Variants in PRKCA observed in about 807,000 individuals in gnomAD.
The protein encoded by PRKCA is protein kinase C alpha.
A neutral mutation model predicts 87.0 loss-of-function variants in PRKCA; 27 were observed. The observed-to-expected ratio is 0.31, with a 90% confidence interval of 0.23 to 0.43. The LOEUF (loss-of-function observed/expected upper bound fraction) is 0.43. Ranked by LOEUF, PRKCA falls within the 20% of genes least tolerant of loss-of-function variation. The pLI, the probability that PRKCA is intolerant of heterozygous loss-of-function variation, is 1.00. For missense variants in PRKCA, 518 were observed against 852.3 expected, an observed-to-expected ratio of 0.61 and a Z score of 4.88; for synonymous variants, 329 against 311.1, an observed-to-expected ratio of 1.06 and a Z score of -0.61.
At chr17:66,774,775 G>C in intron 14 of PRKCA, 1 of 985,440 alleles carries the variant, frequency 1.0e-6, no homozygotes, top group Non-Finnish European at 1.2e-6. Context: ...ATTTAAGGAA[G>C]AAGACAGTTA....
intron 2 of PRKCA, among the ~76,000 whole-genome samples, chr17:66,361,620 A>AT (rs931468857): frequency 6.6e-6 from 1 of 151,996 alleles, no homozygotes; most frequent in African/African-American, 2.4e-5. Flanking sequence ...CATACATTGG[A>AT]TTTTATTTTC....
chr17:66,740,181 A>G (rs1035320547), intron 11 of PRKCA, among the ~76,000 whole-genome samples: 11 of 151,930 alleles, frequency 7.2e-5, no homozygotes, highest in Non-Finnish European at 1.6e-4. Flanking sequence ...CTCAGTTAAG[A>G]ACGTTTTATT....
At chr17:66,392,820 C>CTTCAGCTTT (rs1910441884) in intron 2 of PRKCA, among the ~76,000 whole-genome samples, 1 of 152,260 alleles carries the variant, frequency 6.6e-6, no homozygotes, top group East Asian at 1.9e-4. Context: ...GCAGTCAGAA[C>CTTCAGCTTT]TTCAGCTTTT....
chr17:66,426,045 T>A (rs1406489945), intron 2 of PRKCA, among the ~76,000 whole-genome samples: 2 of 152,190 alleles, frequency 1.3e-5, no homozygotes, highest in Non-Finnish European at 2.9e-5. Context: ...CACCCAGGCC[T>A]CCTTTGTCTA....
intron 2 of PRKCA, among the ~76,000 whole-genome samples, chr17:66,349,988 C>T (rs1366949872): frequency 2.0e-5 from 3 of 151,910 alleles, no homozygotes; most frequent in East Asian, 3.9e-4. Context: ...CCCTAGGAGC[C>T]GGCGTGTGTG....
In PRKCA at chr17:66,507,828, A is replaced by C. The variant is rs78252535; in HGVS notation, c.288+11545A>C. On this transcript the variant is annotated intron_variant, in intron 3 of 16. Coordinates refer to ENST00000413366, the MANE Select transcript of PRKCA (RefSeq NM_002737.3). ...TAGAAGCTGAACTTCTAAACTTCTA[A>C]GCCGAGTCCCATTCAGTTAGCTGGT... Among the ~76,000 whole-genome samples the C allele has an allele frequency of 3.6e-4, 55 of 152,246 alleles. No individual in the cohort carries two copies. In the East Asian group the frequency reaches 0.01, roughly 29 times the overall value.
chr17:66,351,670 G>A (rs755117827), intron 2 of PRKCA, among the ~76,000 whole-genome samples: 2 of 152,138 alleles, frequency 1.3e-5, no homozygotes, highest in Admixed American at 6.5e-5. Context: ...CTTTTTAAAC[G>A]ATTAAACATG....
intron 3 of PRKCA, among the ~76,000 whole-genome samples, chr17:66,586,433 A>G (rs561578828): frequency 1.1e-4 from 17 of 152,334 alleles, no homozygotes; most frequent in African/African-American, 3.8e-4. Flanking sequence ...AACTGATGTG[A>G]TAAGAGTAGA....
Position 66,436,943 on chromosome 17 carries a change from A to G in PRKCA, c.206-59258A>G, listed in dbSNP as rs149081969. ...ACTGATTAGGCTTGAATATTATTAA[A>G]CATGCTAGAGCCGTTCAGCTGTGGG... On this transcript the variant is annotated intron_variant, in intron 2 of 16. Coordinates refer to ENST00000413366, the MANE Select transcript of PRKCA (RefSeq NM_002737.3). Among the ~76,000 whole-genome samples, 1,448 of 152,264 alleles carry G rather than the reference A, an allele frequency of 9.5e-3. 8 individuals carry two copies. The highest frequency in any genetic ancestry group is 0.013 in the Admixed American group (202 of 15,294).
At chr17:66,662,037 T>A (rs79843192) in intron 5 of PRKCA, among the ~76,000 whole-genome samples, 93 of 152,328 alleles carry the variant, frequency 6.1e-4, no homozygotes, top group Non-Finnish European at 1.2e-3. Context: ...TAACAATGCC[T>A]CCAGGTTCTT....
At chr17:66,644,999 A>G (rs1567951732) in intron 4 of PRKCA, among the ~76,000 whole-genome samples, 1 of 152,124 alleles carries the variant, frequency 6.6e-6, no homozygotes, top group Non-Finnish European at 1.5e-5. Context: ...GAAGAAAAAA[A>G]AAAAAATCCT....
chr17:66,302,832 A>G lies in PRKCA; in HGVS notation c.-20A>G, dbSNP rs2143078452. The G allele has an allele frequency of 3.3e-6, 5 of 1,532,186 alleles. No individual in the cohort carries two copies. Among genetic ancestry groups the G allele is most frequent in the Non-Finnish European group, 2.6e-6 (3 of 1,137,198 alleles). The allele number at this position is 1,532,186 out of a possible 1,614,324, so 94.9% of individuals were successfully genotyped here. A position where few individuals can be genotyped will look rare whatever the true frequency, so the allele number is the denominator to read the frequency against. The stretch of plus-strand genomic sequence containing the variant: ...CGGCCGCAGCTCCCCGGCGGAGGCA[A>G]GAGGTGGTTGGGGGGGACCATGGCT... On this transcript the variant is annotated 5_prime_UTR_variant, in exon 1 of 17. Transcript: ENST00000413366.
chr17:66,713,080 C>T (rs1441482902), intron 8 of PRKCA, among the ~76,000 whole-genome samples: 1 of 110,434 alleles, frequency 9.1e-6, no homozygotes, highest in Non-Finnish European at 1.7e-5. Context: ...GAGATGGAGT[C>T]TCACTCTGTT....
rs942671045 is a variant in PRKCA at position 66,803,141 on chromosome 17, A to G, written c.1855-732A>G. ...CTGGAGTGGACCCTGGAGGAGAGGA[A>G]CAGCCGAGACAGCAGGCCTCTCCCT... On this transcript the variant is annotated intron_variant, in intron 16 of 16. Coordinates refer to ENST00000413366, the MANE Select transcript of PRKCA (RefSeq NM_002737.3). The surrounding 1 kb of genome is among the most constrained non-coding windows in gnomAD (Gnocchi z 4.4). Among the ~76,000 whole-genome samples the G allele has an allele frequency of 1.3e-5, 2 of 152,118 alleles. No homozygotes were observed. The highest frequency in any genetic ancestry group is 2.4e-5 in the African/African-American group (1 of 41,414).
chr17:66,368,669 G>A (rs1356376601), intron 2 of PRKCA, among the ~76,000 whole-genome samples: 1 of 151,968 alleles, frequency 6.6e-6, no homozygotes, highest in Non-Finnish European at 1.5e-5. Flanking sequence ...TGAGATTACA[G>A]GCATAAGCCA....
chr17:66,536,043 T>C (rs1358389376), intron 3 of PRKCA, among the ~76,000 whole-genome samples: 3 of 152,260 alleles, frequency 2.0e-5, no homozygotes, highest in Admixed American at 2.0e-4. Context: ...GATATTAATG[T>C]ACTCATAATT....
intron 2 of PRKCA, among the ~76,000 whole-genome samples, chr17:66,378,274 A>G (rs991066579): frequency 5.3e-5 from 8 of 152,142 alleles, no homozygotes; most frequent in African/African-American, 1.7e-4. Context: ...AGATTGGGCC[A>G]CTACACTCCA....
At position 66,517,397 on chromosome 17, in the gene PRKCA, A is replaced by G. The variant is rs1053625578; in HGVS notation, c.288+21114A>G. 5.9e-5 allele frequency among the ~76,000 whole-genome samples: 9 copies of G among 151,404 alleles called. No homozygotes were observed. The South Asian group carries it at 1.7e-3, about 28-fold the overall frequency. On this transcript the variant is annotated intron_variant, in intron 3 of 16. Transcript: ENST00000413366. ...CCCCCAATTCAGTTGTTTCTCTTCCACCTCCTGCGTGCCTCTTTGAAGACT... is the reference window on the plus strand; with the variant it reads ...CCCCCAATTCAGTTGTTTCTCTTCCGCCTCCTGCGTGCCTCTTTGAAGACT...
chr17:66,355,603 C>T (rs193171704), intron 2 of PRKCA, among the ~76,000 whole-genome samples: 1 of 152,266 alleles, frequency 6.6e-6, no homozygotes, highest in African/African-American at 2.4e-5. Context: ...TTTATCCTCT[C>T]ACCCAGCAAA....
Sources: gnomAD v4.1 joint callset for allele counts (sites outside exome capture counted in the v4.1 genomes callset) on GRCh38, gnomAD v4.1.1 for gene constraint, Gnocchi (gnomAD v3.1) non-coding constraint, MANE v1.5 for transcripts, NCBI Gene and HGNC (gene_info 2026-07-23, HGNC 2026-07-21) for gene names.